PANK3: variants seen among roughly 807,000 people sequenced by gnomAD.
PANK3 encodes hPanK3.
In PANK3, 20 loss-of-function variants were observed where a neutral mutation model predicts 39.4. That is an observed-to-expected ratio of 0.51 (90% CI 0.36 to 0.74). The LOEUF (loss-of-function observed/expected upper bound fraction) is 0.74. Among genes scored for constraint, PANK3 ranks in the 30% least tolerant of loss-of-function variants. The probability of loss-of-function intolerance (pLI) is 0.00; values close to 1 mark genes in which losing one functional copy is unlikely to be tolerated. For synonymous variants in PANK3, 140 were observed against 157.3 expected (o/e 0.89, Z 0.82); for missense variants, 265 against 437.0 (o/e 0.61, Z 3.51).
chr5:168,571,956 C>T (rs1479707549), intron 1 of PANK3, among the ~76,000 whole-genome samples: 1 of 152,074 alleles, frequency 6.6e-6, no homozygotes, highest in South Asian at 2.1e-4. Flanking sequence ...AGTAAAATGA[C>T]ATTAGACCAT....
intron 1 of PANK3, among the ~76,000 whole-genome samples, chr5:168,573,541 T>C (rs1759682239): frequency 6.6e-6 from 1 of 151,594 alleles, no homozygotes; most frequent in Non-Finnish European, 1.5e-5. Context: ...ATTATTATAC[T>C]TTAAGTTTTA....
Position 168,564,694 on chromosome 5 carries a change from C to G in PANK3, c.636-629G>C, listed in dbSNP as rs938446263. ...TCAAGCAATCCTCCACTTTGGCCTCCCAAAGTGTTAGAATTACAGGCATGA... is the reference window on the plus strand; with the variant it reads ...TCAAGCAATCCTCCACTTTGGCCTCGCAAAGTGTTAGAATTACAGGCATGA... On this transcript the variant is annotated intron_variant, in intron 3 of 6. Transcript: ENST00000239231. Among the ~76,000 whole-genome samples, 5 of 152,236 alleles carry G rather than the reference C, an allele frequency of 3.3e-5. No homozygotes were observed. The East Asian group carries it at 9.6e-4, about 29-fold the overall frequency.
intron 1 of PANK3, among the ~76,000 whole-genome samples, chr5:168,575,364 C>A (rs906712672): frequency 1.3e-5 from 2 of 152,200 alleles, no homozygotes; most frequent in African/African-American, 4.8e-5. Context: ...TACTAAACAG[C>A]AGAAGCTATC....
chr5:168,552,716 G>C lies in PANK3; in HGVS notation c.*4855C>G, dbSNP rs1269747250. The C allele has an allele frequency of 5.3e-6, 1 of 187,166 alleles. No homozygotes were observed. The highest frequency in any genetic ancestry group is 1.3e-5 in the Non-Finnish European group (1 of 79,506). The allele number at this position is 187,166 out of a possible 1,614,324, so 11.6% of individuals were successfully genotyped here. On this transcript the variant is annotated 3_prime_UTR_variant, in exon 7 of 7. Coordinates refer to ENST00000239231, the MANE Select transcript of PANK3 (RefSeq NM_024594.4). ...TCATGAGGACAGAACAAAACGCCATGCCTCAAGACCTATCATATGTAAAGT... is the reference window on the plus strand; with the variant it reads ...TCATGAGGACAGAACAAAACGCCATCCCTCAAGACCTATCATATGTAAAGT...
intron 4 of PANK3, 27 bp downstream of exon 4, chr5:168,563,862 C>G: frequency 6.5e-7 from 1 of 1,544,688 alleles, no homozygotes; most frequent in African/African-American, 1.4e-5. Context: ...ACTTCTGTAA[C>G]TTAAATAACA....
chr5:168,569,654 G>A (rs536973470), intron 1 of PANK3, among the ~76,000 whole-genome samples: 1 of 152,002 alleles, frequency 6.6e-6, no homozygotes, highest in African/African-American at 2.4e-5. Context: ...TCAATAAATA[G>A]GTCAACACTA....
chr5:168,575,750 C>T (rs1759720242), intron 1 of PANK3, among the ~76,000 whole-genome samples: 2 of 152,002 alleles, frequency 1.3e-5, no homozygotes, highest in South Asian at 4.2e-4. Flanking sequence ...CGTGCCACTG[C>T]ACTCCAGCCT....
chr5:168,579,032 G>T (rs1157065333), intron 1 of PANK3, among the ~76,000 whole-genome samples: 1 of 152,246 alleles, frequency 6.6e-6, no homozygotes, highest in Non-Finnish European at 1.5e-5. Context: ...CGAAGAGAAA[G>T]TGGGAGGAAA....
chr5:168,562,752 T>C (rs1048397766), intron 4 of PANK3, among the ~76,000 whole-genome samples: 1 of 152,176 alleles, frequency 6.6e-6, no homozygotes, highest in Non-Finnish European at 1.5e-5. Flanking sequence ...TATAAAGATA[T>C]CATTTGTCCC....
chr5:168,570,880 C>T (rs561828801), intron 1 of PANK3, among the ~76,000 whole-genome samples: 1 of 152,208 alleles, frequency 6.6e-6, no homozygotes, highest in South Asian at 2.1e-4. Context: ...TTAAGATGTG[C>T]CAGTAAAGTA....
At chr5:168,562,773 T>C (rs775372221) in intron 4 of PANK3, among the ~76,000 whole-genome samples, 2 of 152,182 alleles carry the variant, frequency 1.3e-5, no homozygotes, top group Non-Finnish European at 1.5e-5. Context: ...TAAGTTAATA[T>C]GTAAACTTAC....
intron 5 of PANK3, among the ~76,000 whole-genome samples, chr5:168,559,372 T>G (rs1759407362): frequency 6.6e-6 from 1 of 152,170 alleles, no homozygotes; most frequent in Non-Finnish European, 1.5e-5. Context: ...ACAAAATGTG[T>G]AACACCAAGA....
intron 1 of PANK3, among the ~76,000 whole-genome samples, chr5:168,571,412 C>T (rs1056437437): frequency 6.6e-6 from 1 of 152,138 alleles, no homozygotes; most frequent in Non-Finnish European, 1.5e-5. Context: ...ATTAAGTGTA[C>T]CACTTAGACA....
chr5:168,559,118 C>T lies in PANK3; in HGVS notation c.976G>A (p.Val326Ile), dbSNP rs1255326315. 1.9e-6 allele frequency: 3 copies of T among 1,590,104 alleles called. No individual in the cohort carries two copies. The highest frequency in any genetic ancestry group is 2.6e-6 in the Non-Finnish European group (3 of 1,164,060). ...RVVFVGNFLR[V>I]NTLSMKLLAY... is the part of the protein sequence containing the mutation. Reference sequence around the variant, plus strand: ...AAAAGTTTCATTGAGAGGGTATTGACACGTAAAAAGTTTCCAACAAAGACA... The same window carrying T: ...AAAAGTTTCATTGAGAGGGTATTGATACGTAAAAAGTTTCCAACAAAGACA... The change falls in exon 6 of 7, where the codon GTC (valine) becomes ATC (isoleucine). Residue 326 changes from valine (V) to isoleucine (I), a missense_variant. Coordinates refer to ENST00000239231, the MANE Select transcript of PANK3 (RefSeq NM_024594.4).
intron 1 of PANK3, among the ~76,000 whole-genome samples, chr5:168,573,440 A>AAAAAAAAAAAAAAAG (rs1759679755): frequency 7.0e-6 from 1 of 142,180 alleles, no homozygotes; most frequent in Non-Finnish European, 1.5e-5. Flanking sequence ...AAAAAAAAAA[A>AAAAAAAAAAAAAAAG]AAAAAAGGCA....
chr5:168,576,171 G>C (rs1267992188), intron 1 of PANK3, among the ~76,000 whole-genome samples: 2 of 152,234 alleles, frequency 1.3e-5, no homozygotes, highest in East Asian at 3.9e-4. Context: ...TATCTACTGG[G>C]AGTGATGACT....
At chr5:168,561,122 T>G (rs537373042) in intron 5 of PANK3, 30 of 314,002 alleles carry the variant, frequency 9.6e-5, no homozygotes, top group African/African-American at 6.2e-4. Flanking sequence ...AGAACTTTCT[T>G]TTACATCCTC....
chr5:168,575,054 C>A (rs753431616), intron 1 of PANK3, among the ~76,000 whole-genome samples: 1 of 151,704 alleles, frequency 6.6e-6, no homozygotes. Context: ...AAAAAAGAAC[C>A]AAAATACACA....
chr5:168,567,882 T>G (rs1759562483), intron 2 of PANK3, among the ~76,000 whole-genome samples: 1 of 152,170 alleles, frequency 6.6e-6, no homozygotes, highest in Admixed American at 6.5e-5. Flanking sequence ...AGCCTTTATA[T>G]TCCATTAACA....
Sources: allele counts gnomAD v4.1 joint callset (sites outside exome capture counted in the v4.1 genomes callset), GRCh38; gene constraint gnomAD v4.1.1; transcripts MANE v1.5; gene names NCBI Gene and HGNC (gene_info 2026-07-23, HGNC 2026-07-21).